Variants in RSPH14 observed in about 807,000 individuals in gnomAD.
RSPH14 encodes rhabdoid tumor deletion region gene 1.
In RSPH14, 20 loss-of-function variants were observed where a neutral mutation model predicts 26.7. The observed-to-expected ratio is 0.75, with a 90% CI of 0.53 to 1.09. The LOEUF is 1.09. Among genes scored for constraint, RSPH14 ranks in the 50% least tolerant of loss-of-function variants. RSPH14 has a pLI of 0.00. For synonymous variants in RSPH14, 177 were observed against 189.3 expected, an observed-to-expected ratio of 0.93 and a Z score of 0.53; for missense variants, 449 against 457.2, an observed-to-expected ratio of 0.98 and a Z score of 0.16.
intron 4 of RSPH14, among the ~76,000 whole-genome samples, chr22:23,072,088 A>T (rs1442281713): frequency 6.6e-6 from 1 of 151,954 alleles, no homozygotes; most frequent in Non-Finnish European, 1.5e-5. Flanking sequence ...AGCTTTAAAG[A>T]CTGGGGAAGG....
chr22:23,161,588 C>A, the RSPH14 span: 1 of 1,564,164 alleles, frequency 6.4e-7, no homozygotes. Context: ...GGAAGGCCTC[C>A]GCTCCCTGCA....
upstream of RSPH14, among the ~76,000 whole-genome samples, chr22:23,143,776 A>G (rs1383328806): frequency 1.3e-5 from 2 of 152,182 alleles, no homozygotes; most frequent in African/African-American, 4.8e-5. Flanking sequence ...AGATCTAGGC[A>G]AAGAGCCCAC....
the RSPH14 span, among the ~76,000 whole-genome samples, chr22:23,155,011 G>C: frequency 1.3e-5 from 2 of 152,138 alleles, no homozygotes; most frequent in African/African-American, 4.8e-5. Flanking sequence ...TGTAATCCAA[G>C]CTACTTGGGA....
chr22:23,124,441 C>T (rs1007652228), intron 4 of RSPH14: 4 of 468,956 alleles, frequency 8.5e-6, no homozygotes, highest in Non-Finnish European at 1.8e-5. Flanking sequence ...GCCAGCCTCG[C>T]GGGACACGTG....
intron 4 of RSPH14, among the ~76,000 whole-genome samples, chr22:23,090,745 G>A (rs1313737923): frequency 1.3e-5 from 2 of 152,078 alleles, no homozygotes; most frequent in African/African-American, 2.4e-5. Context: ...CAGCCCGCAT[G>A]TGCCACCCCC....
At chr22:23,103,738 G>C (rs2069374003) in intron 4 of RSPH14, among the ~76,000 whole-genome samples, 1 of 152,230 alleles carries the variant, frequency 6.6e-6, no homozygotes, top group African/African-American at 2.4e-5. Flanking sequence ...TGTTCACCCA[G>C]TATGTGTGGG....
chr22:23,094,773 G>C (rs947894016), intron 4 of RSPH14, among the ~76,000 whole-genome samples: 1 of 152,246 alleles, frequency 6.6e-6, no homozygotes, highest in Non-Finnish European at 1.5e-5. Flanking sequence ...CCTGTGATCA[G>C]AAGTGACCCA....
chr22:23,168,166 C>T, the RSPH14 span, among the ~76,000 whole-genome samples: 3 of 152,188 alleles, frequency 2.0e-5, no homozygotes, highest in African/African-American at 7.2e-5. Flanking sequence ...GCCCACACGG[C>T]AGATGCCAGC....
intron 3 of RSPH14, among the ~76,000 whole-genome samples, chr22:23,137,047 C>T (rs1227104470): frequency 7.2e-6 from 1 of 138,856 alleles, no homozygotes; most frequent in African/African-American, 2.6e-5. Context: ...GCCATGGCAC[C>T]ACCTCCACAC....
At chr22:23,118,418 C>G (rs1244673969) in intron 4 of RSPH14, among the ~76,000 whole-genome samples, 1 of 152,186 alleles carries the variant, frequency 6.6e-6, no homozygotes, top group Non-Finnish European at 1.5e-5. Context: ...CACTGGAGCC[C>G]TGGGCTGGCA....
At chr22:23,106,279 G>A (rs2069473732) in intron 4 of RSPH14, among the ~76,000 whole-genome samples, 1 of 152,244 alleles carries the variant, frequency 6.6e-6, no homozygotes, top group Non-Finnish European at 1.5e-5. Flanking sequence ...AAGGGGGGTG[G>A]CGCCTTGGGC....
the RSPH14 span, among the ~76,000 whole-genome samples, chr22:23,172,464 C>T: frequency 1.5e-4 from 23 of 151,552 alleles, no homozygotes. Context: ...CCTGTAATCC[C>T]AGCACTTTGG....
intron 4 of RSPH14, among the ~76,000 whole-genome samples, chr22:23,101,115 C>A (rs2069289966): frequency 6.6e-6 from 1 of 152,166 alleles, no homozygotes; most frequent in Admixed American, 6.5e-5. Flanking sequence ...TAGCCAGACA[C>A]AGATGATACC....
At chr22:23,173,915 G>T in the RSPH14 span, among the ~76,000 whole-genome samples, 2 of 151,844 alleles carry the variant, frequency 1.3e-5, no homozygotes, top group Non-Finnish European at 2.9e-5. Context: ...TCGCCATGTT[G>T]GTCAGGCTGG....
At chr22:23,106,595 T>C (rs1026856919) in intron 4 of RSPH14, among the ~76,000 whole-genome samples, 1 of 152,006 alleles carries the variant, frequency 6.6e-6, no homozygotes, top group Non-Finnish European at 1.5e-5. Context: ...AGTGAGGAGG[T>C]AGGGCAGTTC....
the RSPH14 span, chr22:23,153,163 G>C: frequency 1.9e-6 from 3 of 1,559,088 alleles, no homozygotes; most frequent in Non-Finnish European, 2.7e-6. Context: ...CATGGCTCGT[G>C]GGCAGCTTCC....
the RSPH14 span, among the ~76,000 whole-genome samples, chr22:23,173,640 T>G: frequency 6.7e-6 from 1 of 149,840 alleles, no homozygotes; most frequent in Non-Finnish European, 1.5e-5. Context: ...TTTTTTGTTT[T>G]TTTTTTTTAG....
chr22:23,149,813 G>A (rs957959199), upstream of RSPH14, among the ~76,000 whole-genome samples: 19 of 152,334 alleles, frequency 1.2e-4, no homozygotes, highest in South Asian at 2.1e-4. Context: ...AGGGAACTGC[G>A]GCCCCAGGTG....
rs1374562061 is a variant in RSPH14 at position 23,071,096 on chromosome 22, C to T, written c.422-6963G>A. ...AGACGGACAGCTAGCAGTTCTCGGT[C>T]ACTGCTCTTGCAGCGAGCAGGTTCC... On this transcript the variant is annotated intron_variant, in intron 4 of 6. Transcript: ENST00000216036. This position sits in a 1 kb window ranked among gnomAD's most constrained non-coding sequence, Gnocchi z 4.1. Among the ~76,000 whole-genome samples the T allele has an allele frequency of 6.6e-6, 1 of 152,220 alleles. No individual in the cohort carries two copies. Among genetic ancestry groups the T allele is most frequent in the Non-Finnish European group, 1.5e-5 (1 of 68,034 alleles).
Sources: allele counts gnomAD v4.1 joint callset (sites outside exome capture counted in the v4.1 genomes callset), GRCh38; gene constraint gnomAD v4.1.1; non-coding constraint Gnocchi (gnomAD v3.1); transcripts MANE v1.5; gene names NCBI Gene and HGNC (gene_info 2026-07-23, HGNC 2026-07-21).